Variants in CNTNAP4 observed in about 807,000 individuals in gnomAD.
The protein encoded by CNTNAP4 is contactin associated protein family member 4, also known as contactin-associated protein-like 4.
In CNTNAP4, 98 loss-of-function variants were observed where a neutral mutation model predicts 148.4. The ratio of observed to expected loss-of-function variants is 0.66; its 90% CI spans 0.56 to 0.78. The LOEUF is 0.78. Among genes scored for constraint, CNTNAP4 ranks in the 30% least tolerant of loss-of-function variants. The probability of loss-of-function intolerance (pLI) is 0.00; values close to 1 mark genes in which losing one functional copy is unlikely to be tolerated. For synonymous variants in CNTNAP4, 730 were observed against 565.1 expected (o/e 1.29, Z -4.14); for missense variants, 1,935 against 1,565.6 (o/e 1.24, Z -3.98).
intron 2 of CNTNAP4, among the ~76,000 whole-genome samples, chr16:76,341,390 T>C (rs1488497554): frequency 6.6e-6 from 1 of 152,102 alleles, no homozygotes; most frequent in African/African-American, 2.4e-5. Flanking sequence ...TTTAATTGAG[T>C]TGTTGAACTA....
chr16:76,457,708 C>T (rs992484300), intron 8 of CNTNAP4, among the ~76,000 whole-genome samples: 7 of 152,228 alleles, frequency 4.6e-5, no homozygotes, highest in African/African-American at 1.7e-4. Flanking sequence ...GATTAAACTC[C>T]TAGAAACTGG....
At chr16:76,290,514 C>T (rs1481349907) in intron 1 of CNTNAP4, among the ~76,000 whole-genome samples, 2 of 152,148 alleles carry the variant, frequency 1.3e-5, no homozygotes, top group Non-Finnish European at 2.9e-5. Context: ...GTTTTCTCCT[C>T]TGAGTGTACA....
intron 1 of CNTNAP4, among the ~76,000 whole-genome samples, chr16:76,302,684 C>A (rs992315980): frequency 6.6e-6 from 1 of 152,076 alleles, no homozygotes; most frequent in Non-Finnish European, 1.5e-5. Context: ...TGCTATATAA[C>A]ATAACATAAG....
At chr16:76,501,233 G>T (rs1483779738) in intron 15 of CNTNAP4, among the ~76,000 whole-genome samples, 1 of 152,218 alleles carries the variant, frequency 6.6e-6, no homozygotes, top group African/African-American at 2.4e-5. Context: ...AAGAGATGAG[G>T]TTGTAAACTT....
At chr16:76,458,078 T>C (rs898162639) in intron 8 of CNTNAP4, among the ~76,000 whole-genome samples, 1 of 152,178 alleles carries the variant, frequency 6.6e-6, no homozygotes, top group Non-Finnish European at 1.5e-5. Flanking sequence ...TTAATTCACT[T>C]AGGATAATAG....
chr16:76,322,953 G>A (rs1243430117), intron 2 of CNTNAP4, among the ~76,000 whole-genome samples: 1 of 151,806 alleles, frequency 6.6e-6, no homozygotes, highest in Non-Finnish European at 1.5e-5. Flanking sequence ...TCGTGCCTTG[G>A]TCTGCTGAGT....
At chr16:76,448,294 C>A (rs1030885319) in intron 5 of CNTNAP4, 79 bp downstream of exon 5, 5 of 987,828 alleles carry the variant, frequency 5.1e-6, no homozygotes, top group African/African-American at 1.6e-5. Flanking sequence ...TATAGCTTAT[C>A]TTTTAGCAGT....
At chr16:76,353,532 C>T (rs572855373) in intron 2 of CNTNAP4, among the ~76,000 whole-genome samples, 6 of 152,258 alleles carry the variant, frequency 3.9e-5, no homozygotes, top group Non-Finnish European at 8.8e-5. Flanking sequence ...TCACCCTTTG[C>T]GGTTGTTAAG....
At chr16:76,377,868 G>A (rs2015575521) in intron 3 of CNTNAP4, among the ~76,000 whole-genome samples, 1 of 152,186 alleles carries the variant, frequency 6.6e-6, no homozygotes, top group Non-Finnish European at 1.5e-5. Context: ...TTAGGTCCCA[G>A]AATGTTCATT....
At chr16:76,313,804 T>G (rs1032749919) in intron 1 of CNTNAP4, among the ~76,000 whole-genome samples, 10 of 152,208 alleles carry the variant, frequency 6.6e-5, no homozygotes, top group African/African-American at 2.4e-4. Flanking sequence ...ATTCTTAGAT[T>G]TATTTAAATA....
chr16:76,454,111 C>CTTTT (rs11302612), intron 8 of CNTNAP4, among the ~76,000 whole-genome samples: 23 of 130,070 alleles, frequency 1.8e-4, no homozygotes, highest in African/African-American at 3.1e-4. Flanking sequence ...CTATTTCTTT[C>CTTTT]TTTTTTTTTT....
At chr16:76,459,517 A>G (rs1010488623) in intron 8 of CNTNAP4, among the ~76,000 whole-genome samples, 4 of 152,314 alleles carry the variant, frequency 2.6e-5, no homozygotes, top group Middle Eastern at 3.4e-3. Flanking sequence ...GTTAGACCAT[A>G]TATGTCCAGG....
chr16:76,518,026 A>G (rs1033204798), intron 15 of CNTNAP4, among the ~76,000 whole-genome samples: 1 of 152,150 alleles, frequency 6.6e-6, no homozygotes, highest in African/African-American at 2.4e-5. Context: ...TACTTAGTAC[A>G]TCTTCCTCTT....
At chr16:76,494,801 C>G in intron 13 of CNTNAP4, 109 bp from the exon 14 acceptor site, 1 of 1,185,360 alleles carries the variant, frequency 8.4e-7, no homozygotes, top group Non-Finnish European at 1.2e-6. Flanking sequence ...AATCTTTCTC[C>G]TTTTCTCCTT....
intron 18 of CNTNAP4, among the ~76,000 whole-genome samples, chr16:76,536,971 G>A (rs2084239467): frequency 6.6e-6 from 1 of 152,124 alleles, no homozygotes; most frequent in South Asian, 2.1e-4. Flanking sequence ...GAAAGCATGG[G>A]ATGAGTTAAT....
chr16:76,292,707 AT>A (rs11347655), intron 1 of CNTNAP4, among the ~76,000 whole-genome samples: 20,991 of 151,684 alleles, frequency 0.14, 2,476 homozygotes, highest in African/African-American at 0.3. Context: ...TATCAAAAAT[AT>A]TTTTTTTTCT....
intron 10 of CNTNAP4, among the ~76,000 whole-genome samples, chr16:76,471,064 A>G (rs2081354010): frequency 6.6e-6 from 1 of 152,066 alleles, no homozygotes; most frequent in Admixed American, 6.6e-5. Context: ...TTATATTCAC[A>G]TCTTCCTTAC....
chr16:76,546,819 C>T (rs1009205657), intron 21 of CNTNAP4, among the ~76,000 whole-genome samples: 2 of 152,136 alleles, frequency 1.3e-5, no homozygotes, highest in African/African-American at 4.8e-5. Flanking sequence ...ATGCTACCAG[C>T]ATTGTCTGTT....
At chr16:76,400,178 A>C (rs546465152) in intron 3 of CNTNAP4, among the ~76,000 whole-genome samples, 2 of 152,274 alleles carry the variant, frequency 1.3e-5, no homozygotes, top group African/African-American at 2.4e-5. Context: ...AGTCAAGGCT[A>C]TGTGTTTAAG....
Sources: allele counts gnomAD v4.1 joint callset (sites outside exome capture counted in the v4.1 genomes callset), GRCh38; gene constraint gnomAD v4.1.1; transcripts MANE v1.5; gene names NCBI Gene and HGNC (gene_info 2026-07-23, HGNC 2026-07-21).